GPC5: variants seen among roughly 807,000 people sequenced by gnomAD.
GPC5 encodes the protein glypican 5.
GPC5 carries 47 observed loss-of-function variants against 53.9 expected under a neutral mutation model. The observed-to-expected ratio is 0.87, with a 90% confidence interval of 0.69 to 1.11. The LOEUF is 1.11. GPC5 is among the 50% of genes most tolerant of loss of function. The pLI is 0.00. For missense variants in GPC5, 748 were observed against 713.1 expected (o/e 1.05, Z -0.56); for synonymous variants, 286 against 263.3 (o/e 1.09, Z -0.84).
chr13:91,570,291 C>A (rs2031724653), intron 2 of GPC5, among the ~76,000 whole-genome samples: 1 of 152,118 alleles, frequency 6.6e-6, no homozygotes. Context: ...ATCCCAGATC[C>A]AAAAATCCAA....
intron 7 of GPC5, among the ~76,000 whole-genome samples, chr13:92,598,815 G>C (rs1594335142): frequency 6.6e-6 from 1 of 152,092 alleles, no homozygotes; most frequent in African/African-American, 2.4e-5. Context: ...TCAGGAGTTC[G>C]AGACCAACCT....
At chr13:91,673,521 G>T (rs980900943) in intron 2 of GPC5, among the ~76,000 whole-genome samples, 1 of 151,964 alleles carries the variant, frequency 6.6e-6, no homozygotes, top group East Asian at 1.9e-4. Context: ...ACAAGAGCTC[G>T]CCCATCCTTA....
chr13:92,487,345 C>T lies in GPC5; in HGVS notation c.1561+342356C>T, dbSNP rs186816723. On this transcript the variant is annotated intron_variant, in intron 7 of 7. Coordinates refer to ENST00000377067, the MANE Select transcript of GPC5 (RefSeq NM_004466.6). ...TAGTGAGAGTGACCACCAATGGAGC[C>T]CTATACAACTGTCACTGGCACTGCC... Among the ~76,000 whole-genome samples the T allele has an allele frequency of 1.2e-3, 190 of 152,100 alleles. 1 individual carries two copies. Among genetic ancestry groups the T allele is most frequent in the African/African-American group, 4.5e-3 (185 of 41,482 alleles).
At chr13:92,483,095 A>G (rs1420316765) in intron 7 of GPC5, among the ~76,000 whole-genome samples, 1 of 152,200 alleles carries the variant, frequency 6.6e-6, no homozygotes, top group Non-Finnish European at 1.5e-5. Context: ...AACAGTATGG[A>G]GGAAACCGTC....
chr13:92,357,900 A>G (rs759022501), intron 7 of GPC5, among the ~76,000 whole-genome samples: 2 of 151,400 alleles, frequency 1.3e-5, no homozygotes, highest in Non-Finnish European at 2.9e-5. Flanking sequence ...TCCAAACCAT[A>G]TCATTCTGCA....
intron 3 of GPC5, among the ~76,000 whole-genome samples, chr13:91,711,345 T>C (rs2036221404): frequency 2.0e-5 from 3 of 151,738 alleles, no homozygotes; most frequent in African/African-American, 7.3e-5. Context: ...CTCAGCAAAC[T>C]ATCACAAGGA....
chr13:92,554,678 G>T (rs139389850), intron 7 of GPC5, among the ~76,000 whole-genome samples: 80 of 150,370 alleles, frequency 5.3e-4, no homozygotes, highest in Non-Finnish European at 1.1e-3. Flanking sequence ...TGAGGAAAGA[G>T]AAAAACTATA....
At chr13:92,653,546 T>C (rs1238543984) in intron 7 of GPC5, among the ~76,000 whole-genome samples, 2 of 152,172 alleles carry the variant, frequency 1.3e-5, no homozygotes, top group Non-Finnish European at 2.9e-5. Context: ...AGAAAGCATA[T>C]TCAAAGGGGA....
intron 5 of GPC5, among the ~76,000 whole-genome samples, chr13:91,819,362 T>C (rs554425734): frequency 2.0e-5 from 3 of 151,922 alleles, no homozygotes; most frequent in Non-Finnish European, 4.4e-5. Flanking sequence ...GGTTTCACCA[T>C]GTTGACCAGG....
At chr13:92,415,923 G>A (rs1876269628) in intron 7 of GPC5, among the ~76,000 whole-genome samples, 1 of 152,114 alleles carries the variant, frequency 6.6e-6, no homozygotes, top group Non-Finnish European at 1.5e-5. Flanking sequence ...TTTTGTGGAA[G>A]GATGCAGATT....
intron 2 of GPC5, among the ~76,000 whole-genome samples, chr13:91,571,921 TTGTATATATACAC>T (rs2031865466): frequency 1.8e-5 from 2 of 108,754 alleles, no homozygotes; most frequent in African/African-American, 7.3e-5. Flanking sequence ...TATACACATA[TTGTATATATACAC>T]ACATGTATAT....
At chr13:92,284,815 C>T (rs531788083) in intron 7 of GPC5, among the ~76,000 whole-genome samples, 2 of 152,226 alleles carry the variant, frequency 1.3e-5, no homozygotes, top group South Asian at 4.2e-4. Context: ...GGAAGCATTC[C>T]CTTTGAAACC....
At chr13:92,294,995 A>C (rs748130302) in intron 7 of GPC5, among the ~76,000 whole-genome samples, 7 of 151,146 alleles carry the variant, frequency 4.6e-5, no homozygotes, top group Non-Finnish European at 1.0e-4. Flanking sequence ...TGCCTGGCTA[A>C]ATTTTTGTAT....
intron 5 of GPC5, among the ~76,000 whole-genome samples, chr13:91,783,116 T>C (rs2037823689): frequency 6.6e-6 from 1 of 152,060 alleles, no homozygotes; most frequent in Non-Finnish European, 1.5e-5. Flanking sequence ...TAGCCAAATG[T>C]AGTGGTGGAC....
At chr13:92,189,805 T>A (rs1461275009) in intron 7 of GPC5, among the ~76,000 whole-genome samples, 1 of 152,164 alleles carries the variant, frequency 6.6e-6, no homozygotes, top group South Asian at 2.1e-4. Flanking sequence ...GTCAAATAAA[T>A]GAATAATGCT....
chr13:91,906,911 G>A lies in GPC5; in HGVS notation c.1281-1026G>A, dbSNP rs187726130. 3.4e-3 allele frequency among the ~76,000 whole-genome samples: 511 copies of A among 151,454 alleles called. 2 individuals are homozygous for A. Among genetic ancestry groups the A allele is most frequent in the African/African-American group, 0.012 (495 of 41,374 alleles). On this transcript the variant is annotated intron_variant, in intron 5 of 7. Coordinates refer to ENST00000377067, the MANE Select transcript of GPC5 (RefSeq NM_004466.6). ...AGAAAATATTTTGCAGATTTTAGTT[G>A]CTTAAAAATTTGATTATTTAAATTT...
chr13:92,179,678 G>A (rs1158554298), intron 7 of GPC5, among the ~76,000 whole-genome samples: 6 of 152,114 alleles, frequency 3.9e-5, no homozygotes, highest in East Asian at 3.8e-4. Flanking sequence ...TTATATTGCC[G>A]AATCTAACAT....
intron 6 of GPC5, among the ~76,000 whole-genome samples, chr13:91,909,286 A>C (rs1362161709): frequency 6.6e-6 from 1 of 152,212 alleles, no homozygotes; most frequent in African/African-American, 2.4e-5. Context: ...CGTCCACTAT[A>C]GTATAATATG....
intron 7 of GPC5, among the ~76,000 whole-genome samples, chr13:92,724,459 C>A (rs1172105084): frequency 6.6e-6 from 1 of 151,368 alleles, no homozygotes; most frequent in African/African-American, 2.4e-5. Flanking sequence ...ATTTTACAAG[C>A]CTAAATGTCT....
Sources: allele counts gnomAD v4.1 joint callset (sites outside exome capture counted in the v4.1 genomes callset), GRCh38; gene constraint gnomAD v4.1.1; transcripts MANE v1.5; gene names NCBI Gene and HGNC (gene_info 2026-07-23, HGNC 2026-07-21).